The following PCNX2 variants were observed in gnomAD, a reference collection of about 807,000 sequenced individuals.
PCNX2 encodes the protein pecanex 2.
A neutral mutation model predicts 223.8 loss-of-function variants in PCNX2; 168 were observed. That is an observed-to-expected ratio of 0.75 (90% confidence interval 0.66 to 0.85). The LOEUF (loss-of-function observed/expected upper bound fraction) is 0.85. PCNX2 is among the 40% of genes least tolerant of loss of function. The probability of loss-of-function intolerance (pLI) is 0.00; values close to 1 mark genes in which losing one functional copy is unlikely to be tolerated. For synonymous variants in PCNX2, 1,006 were observed against 1,052.6 expected (o/e 0.96, Z 0.86); for missense variants, 2,507 against 2,675.5 (o/e 0.94, Z 1.39).
intron 27 of PCNX2, among the ~76,000 whole-genome samples, chr1:233,015,923 G>C (rs891542095): frequency 5.3e-5 from 8 of 151,752 alleles, no homozygotes; most frequent in African/African-American, 1.9e-4. Flanking sequence ...GAGGGAGAGT[G>C]GGGAGATGCA....
intron 12 of PCNX2, among the ~76,000 whole-genome samples, chr1:233,209,303 A>C (rs981101003): frequency 7.9e-5 from 12 of 152,206 alleles, no homozygotes; most frequent in Non-Finnish European, 1.5e-4. Flanking sequence ...AGCAGACCTG[A>C]TCTTATCCCT....
intron 28 of PCNX2, among the ~76,000 whole-genome samples, chr1:233,002,189 A>G (rs1670113276): frequency 6.6e-6 from 1 of 152,124 alleles, no homozygotes; most frequent in Non-Finnish European, 1.5e-5. Flanking sequence ...TAAATGTCAA[A>G]TGGGTCATTT....
chr1:233,024,725 G>A (rs536774095), intron 26 of PCNX2, among the ~76,000 whole-genome samples: 1 of 152,302 alleles, frequency 6.6e-6, no homozygotes, highest in South Asian at 2.1e-4. Flanking sequence ...GCTACATTTT[G>A]AGTTCTCCTT....
chr1:233,241,168 T>G (rs537097961), intron 8 of PCNX2: 79 of 985,000 alleles, frequency 8.0e-5, no homozygotes, highest in Non-Finnish European at 9.3e-5. Context: ...TCTTGTTCAA[T>G]TCTCCTTTTA....
intron 25 of PCNX2, among the ~76,000 whole-genome samples, chr1:233,027,688 A>G (rs1671130357): frequency 6.6e-6 from 1 of 152,212 alleles, no homozygotes; most frequent in South Asian, 2.1e-4. Flanking sequence ...AAATATTTTA[A>G]GCATTGTGGG....
intron 23 of PCNX2, among the ~76,000 whole-genome samples, chr1:233,081,251 G>A (rs1673346095): frequency 6.6e-6 from 1 of 152,172 alleles, no homozygotes; most frequent in Admixed American, 6.5e-5. Flanking sequence ...GGAGGCTGAG[G>A]CAGAGAATTG....
chr1:233,114,713 A>G (rs968967002), intron 21 of PCNX2, among the ~76,000 whole-genome samples: 2 of 152,196 alleles, frequency 1.3e-5, no homozygotes, highest in African/African-American at 4.8e-5. Flanking sequence ...AGGCGCATCC[A>G]GAAAGTCACA....
upstream of PCNX2, among the ~76,000 whole-genome samples, chr1:233,298,826 G>C (rs1662211267): frequency 6.6e-6 from 1 of 152,124 alleles, no homozygotes; most frequent in African/African-American, 2.4e-5. Context: ...AGGTTGCAGT[G>C]AGCCAGGATC....
chr1:233,313,047 A>G, the PCNX2 span, among the ~76,000 whole-genome samples: 3 of 152,260 alleles, frequency 2.0e-5, no homozygotes, highest in African/African-American at 7.2e-5. Flanking sequence ...CTAAAGGAAG[A>G]AACTAAAATT....
intron 15 of PCNX2, among the ~76,000 whole-genome samples, chr1:233,196,931 G>A (rs970743780): frequency 4.2e-4 from 64 of 152,256 alleles, no homozygotes; most frequent in African/African-American, 1.5e-3. Context: ...TTCTGGATGG[G>A]GGAACAGTTT....
intron 12 of PCNX2, chr1:233,210,570 T>C: frequency 1.0e-6 from 1 of 985,082 alleles, no homozygotes; most frequent in Non-Finnish European, 1.2e-6. Flanking sequence ...TGAGCCACTG[T>C]GCCTGGCCAC....
rs1360464529 is a variant in PCNX2 at position 233,292,198 on chromosome 1, C to CTT, written c.153+3126_153+3127dup. Among the ~76,000 whole-genome samples, 538 of 133,988 alleles carry CTT rather than the reference C, an allele frequency of 4.0e-3. 20 individuals carry two copies. Among genetic ancestry groups the CTT allele is most frequent in the African/African-American group, 9.8e-3 (330 of 33,726 alleles). The allele number at this position is 133,988 out of a possible 152,430, so 87.9% of individuals were successfully genotyped here. ...TTCAATAGTGAAACTTTCTTTCTTT[C>CTT]TTTCTTTTTTTTTTTTTTTTTTTTT... On this transcript the variant is annotated intron_variant, in intron 1 of 33. Coordinates refer to ENST00000258229, the MANE Select transcript of PCNX2 (RefSeq NM_014801.4).
chr1:232,999,493 G>A, intron 30 of PCNX2, 114 bp from the exon 31 acceptor site: 1 of 1,236,082 alleles, frequency 8.1e-7, no homozygotes, highest in Non-Finnish European at 1.1e-6. Flanking sequence ...CGCTCTTGTT[G>A]CCCAGGCTGG....
At position 233,253,543 on chromosome 1, in the gene PCNX2, G is replaced by A. The variant is rs764070055; in HGVS notation, c.1835-755C>T. Among the ~76,000 whole-genome samples, 13 of 152,090 alleles carry A rather than the reference G, an allele frequency of 8.5e-5. No individual in the cohort carries two copies. Among genetic ancestry groups the A allele is most frequent in the South Asian group, 4.1e-4 (2 of 4,824 alleles). ...AAATTTTATGTAGGTATAGGGGCAC[G>A]CTATGTTGTTCAGGCTGGTCTTGAA... On this transcript the variant is annotated intron_variant, in intron 5 of 33. Transcript: ENST00000258229. This position sits in a 1 kb window ranked among gnomAD's most constrained non-coding sequence, Gnocchi z 4.2.
chr1:233,224,937 C>T (rs1389691931), intron 10 of PCNX2, among the ~76,000 whole-genome samples: 1 of 151,480 alleles, frequency 6.6e-6, no homozygotes, highest in Non-Finnish European at 1.5e-5. Context: ...CATCACACAC[C>T]GGGGCCTGTC....
chr1:233,071,391 A>G (rs1242194850), intron 23 of PCNX2, among the ~76,000 whole-genome samples: 1 of 152,134 alleles, frequency 6.6e-6, no homozygotes, highest in Non-Finnish European at 1.5e-5. Context: ...CCTCCCACTT[A>G]TAAGTGAGAA....
At chr1:233,153,700 T>C (rs1034207860) in intron 19 of PCNX2, among the ~76,000 whole-genome samples, 11 of 152,210 alleles carry the variant, frequency 7.2e-5, no homozygotes, top group East Asian at 1.9e-4. Context: ...ATGATCATTA[T>C]TTAGAAGAAT....
chr1:233,240,494 T>A (rs962347365), intron 8 of PCNX2, among the ~76,000 whole-genome samples: 20 of 152,184 alleles, frequency 1.3e-4, no homozygotes, highest in Non-Finnish European at 1.5e-5. Context: ...ATAATGGAAA[T>A]GGAAATATCC....
At position 233,001,408 on chromosome 1, in the gene PCNX2, G is replaced by A. The variant is rs563864065; in HGVS notation, c.5097+129C>T. The A allele has an allele frequency of 6.4e-5, 28 of 438,998 alleles. No homozygotes were observed. In the South Asian group the frequency reaches 2.2e-3, roughly 35 times the overall value. 27.2% of individuals were successfully genotyped at this position (438,998 alleles called of 1,614,324 possible). ...GCAGGAGAATCGCTTGAACCCGGGA[G>A]GTGGAGGTTGTGGTGAGCCGAGATT... On this transcript the variant is annotated intron_variant, in intron 29 of 33. Transcript: ENST00000258229. This position sits in a 1 kb window ranked among gnomAD's most constrained non-coding sequence, Gnocchi z 4.2.
Sources: allele counts gnomAD v4.1 joint callset (sites outside exome capture counted in the v4.1 genomes callset), GRCh38; gene constraint gnomAD v4.1.1; non-coding constraint Gnocchi (gnomAD v3.1); transcripts MANE v1.5; gene names NCBI Gene and HGNC (gene_info 2026-07-23, HGNC 2026-07-21).